The following CALD1 variants were observed in gnomAD, a reference collection of about 807,000 sequenced individuals.
CALD1 encodes caldesmon 1.
CALD1 carries 33 observed loss-of-function variants against 99.9 expected under a neutral mutation model. The observed-to-expected ratio is 0.33, with a 90% confidence interval of 0.25 to 0.44. The LOEUF (loss-of-function observed/expected upper bound fraction) is 0.44, where lower values mean the gene tolerates loss of function less well. Ranked by LOEUF, CALD1 falls within the 20% of genes least tolerant of loss-of-function variation. The pLI, the probability that CALD1 is intolerant of heterozygous loss-of-function variation, is 1.00. For missense variants in CALD1, 861 were observed against 962.1 expected (o/e 0.89, Z 1.39); for synonymous variants, 310 against 325.0 (o/e 0.95, Z 0.50).
At chr7:134,945,485 TAGA>T (rs1376642962) in intron 7 of CALD1, among the ~76,000 whole-genome samples, 16 of 152,218 alleles carry the variant, frequency 1.1e-4, no homozygotes, top group African/African-American at 3.4e-4. Context: ...AGATAAGCAT[TAGA>T]ATCTGATCAT....
At chr7:134,870,047 T>C (rs1416279189) in intron 3 of CALD1, among the ~76,000 whole-genome samples, 1 of 152,230 alleles carries the variant, frequency 6.6e-6, no homozygotes, top group Non-Finnish European at 1.5e-5. Flanking sequence ...GTTCTCATGA[T>C]AGTCTACAAA....
the CALD1 span, among the ~76,000 whole-genome samples, chr7:134,729,157 A>C: frequency 6.6e-6 from 1 of 152,168 alleles, no homozygotes; most frequent in African/African-American, 2.4e-5. Flanking sequence ...TGGCCAAAAG[A>C]CATCATTTTT....
At chr7:134,726,507 A>AGAGGTTTTTT in the CALD1 span, among the ~76,000 whole-genome samples, 2 of 138,244 alleles carry the variant, frequency 1.4e-5, no homozygotes, top group Admixed American at 7.1e-5. Context: ...TTAGATATAT[A>AGAGGTTTTTT]ATATACAATA....
the CALD1 span, among the ~76,000 whole-genome samples, chr7:134,720,813 C>T: frequency 6.6e-6 from 1 of 152,196 alleles, no homozygotes. Context: ...GTGTTGTCTG[C>T]TTTCAGTAGG....
chr7:134,741,625 A>T (rs139527032), upstream of CALD1, among the ~76,000 whole-genome samples: 1 of 152,178 alleles, frequency 6.6e-6, no homozygotes, highest in African/African-American at 2.4e-5. Context: ...TGCCCAATGC[A>T]TATTTAAAAA....
chr7:134,760,004 T>C (rs1796762721), intron 1 of CALD1, among the ~76,000 whole-genome samples: 1 of 152,188 alleles, frequency 6.6e-6, no homozygotes, highest in Non-Finnish European at 1.5e-5. Context: ...TCTAAGGAAG[T>C]GCAGGAAGAA....
In CALD1 at chr7:134,935,597, C is replaced by T. The variant is rs539592509; in HGVS notation, c.1309-91C>T. ...AGAAGAGAAGCCATCCCACGCAGCA[C>T]TTGCAAGGCGATCCGAGCACCCTGT... is the stretch of plus-strand genomic sequence containing the variant. On this transcript the variant is annotated intron_variant, in intron 5 of 14. Transcript: ENST00000361675. The T allele has an allele frequency of 8.9e-5, 135 of 1,513,228 alleles. 1 individual carries two copies. The East Asian group carries it at 3.1e-3, about 35-fold the overall frequency. The allele number at this position is 1,513,228 out of a possible 1,614,324, so 93.7% of individuals were successfully genotyped here.
the CALD1 span, among the ~76,000 whole-genome samples, chr7:134,735,393 T>C: frequency 2.9e-3 from 435 of 152,286 alleles, 4 homozygotes; most frequent in African/African-American, 9.8e-3. Context: ...ATAACTGAGT[T>C]TGTATGGGTG....
chr7:134,955,747 C>CCT (rs1226519873), intron 9 of CALD1, among the ~76,000 whole-genome samples: 3 of 152,174 alleles, frequency 2.0e-5, no homozygotes, highest in Admixed American at 6.5e-5. Flanking sequence ...GGGGTTAGGG[C>CCT]CTCAACACAT....
chr7:134,722,102 C>T, the CALD1 span, among the ~76,000 whole-genome samples: 1 of 152,142 alleles, frequency 6.6e-6, no homozygotes, highest in Non-Finnish European at 1.5e-5. Context: ...GATCCTAACA[C>T]GTGGAAGTCT....
intron 3 of CALD1, among the ~76,000 whole-genome samples, chr7:134,868,734 T>C (rs7785020): frequency 0.21 from 32,403 of 152,218 alleles, 4,651 homozygotes; most frequent in African/African-American, 0.41. Flanking sequence ...TATGATGAAC[T>C]GGGCCAGAGT....
intron 3 of CALD1, among the ~76,000 whole-genome samples, chr7:134,905,171 C>T (rs1288220682): frequency 2.6e-5 from 4 of 152,014 alleles, no homozygotes; most frequent in Admixed American, 2.6e-4. Context: ...CTTTTCTGCC[C>T]AATTCCCCAC....
intron 3 of CALD1, among the ~76,000 whole-genome samples, chr7:134,896,234 G>A (rs1002394320): frequency 6.6e-5 from 10 of 152,142 alleles, no homozygotes; most frequent in African/African-American, 2.4e-4. Flanking sequence ...CATCTTCGAG[G>A]GGCACCCTTT....
At chr7:134,940,950 G>C (rs1412995201) in intron 6 of CALD1, 142 bp from the exon 7 acceptor site, 1 of 623,414 alleles carries the variant, frequency 1.6e-6, no homozygotes, top group Non-Finnish European at 2.8e-6. Context: ...AATTTCACCT[G>C]ATTCCAACTC....
chr7:134,911,279 T>C (rs754594775), intron 3 of CALD1, among the ~76,000 whole-genome samples: 15 of 144,586 alleles, frequency 1.0e-4, no homozygotes, highest in African/African-American at 1.3e-4. Context: ...CTGCAGCCCA[T>C]AGCAACATGG....
At chr7:134,785,792 G>A (rs1174887106) in intron 1 of CALD1, among the ~76,000 whole-genome samples, 1 of 152,222 alleles carries the variant, frequency 6.6e-6, no homozygotes, top group Non-Finnish European at 1.5e-5. Context: ...AAAAGAAAAT[G>A]AGGCCACATA....
At chr7:134,780,111 C>T (rs888300914) in intron 1 of CALD1, among the ~76,000 whole-genome samples, 3 of 152,216 alleles carry the variant, frequency 2.0e-5, no homozygotes, top group African/African-American at 7.2e-5. Flanking sequence ...AGACTGCTCA[C>T]ACAGTCTCTT....
chr7:134,732,242 G>T, the CALD1 span, among the ~76,000 whole-genome samples: 1 of 152,130 alleles, frequency 6.6e-6, no homozygotes, highest in African/African-American at 2.4e-5. Context: ...TGAAGCACAC[G>T]TCTAAGCTGG....
chr7:134,917,027 A>G (rs1367509061), intron 3 of CALD1, among the ~76,000 whole-genome samples: 1 of 152,224 alleles, frequency 6.6e-6, no homozygotes, highest in Non-Finnish European at 1.5e-5. Flanking sequence ...GCCAGTAGAA[A>G]TGTGAGAATA....
Sources: gnomAD v4.1 joint callset for allele counts (sites outside exome capture counted in the v4.1 genomes callset) on GRCh38, gnomAD v4.1.1 for gene constraint, MANE v1.5 for transcripts, NCBI Gene and HGNC (gene_info 2026-07-23, HGNC 2026-07-21) for gene names.